The following NARS2 variants were observed in gnomAD, a reference collection of about 807,000 sequenced individuals.
NARS2 encodes the protein asparaginyl-tRNA synthetase.
NARS2 carries 60 observed loss-of-function variants against 62.9 expected under a neutral mutation model. The observed-to-expected ratio is 0.95, with a 90% CI of 0.77 to 1.18. NARS2 has a LOEUF of 1.18. Among genes scored for constraint, NARS2 ranks in the 50% most tolerant of loss-of-function variants. The pLI, the probability that NARS2 is intolerant of heterozygous loss-of-function variation, is 0.00. For synonymous variants in NARS2, 196 were observed against 200.0 expected (o/e 0.98, Z 0.17); for missense variants, 619 against 576.4 (o/e 1.07, Z -0.76).
intron 6 of NARS2, among the ~76,000 whole-genome samples, chr11:78,514,319 G>T (rs528682533): frequency 9.9e-5 from 15 of 152,132 alleles, no homozygotes; most frequent in African/African-American, 3.6e-4. Flanking sequence ...ATGGGGTTTT[G>T]CCATGTTGCC....
chr11:78,516,631 C>T (rs1250004617), intron 6 of NARS2, among the ~76,000 whole-genome samples: 1 of 152,146 alleles, frequency 6.6e-6, no homozygotes, highest in Non-Finnish European at 1.5e-5. Flanking sequence ...ATAAATTGAA[C>T]TGAGACTGAT....
At chr11:78,492,778 G>T in intron 7 of NARS2, among the ~76,000 whole-genome samples, 1 of 152,074 alleles carries the variant, frequency 6.6e-6, no homozygotes, top group Non-Finnish European at 1.5e-5. Context: ...ATAACCTTAG[G>T]AGTAAGCACA....
At chr11:78,553,402 C>T (rs1446886134) in intron 5 of NARS2, among the ~76,000 whole-genome samples, 1 of 152,092 alleles carries the variant, frequency 6.6e-6, no homozygotes, top group African/African-American at 2.4e-5. Flanking sequence ...GATTCTTCTG[C>T]CTCAGCCTCC....
intron 5 of NARS2, among the ~76,000 whole-genome samples, chr11:78,553,342 G>T (rs1856200831): frequency 6.6e-6 from 1 of 151,812 alleles, no homozygotes; most frequent in Non-Finnish European, 1.5e-5. Context: ...AGGCTAGAGT[G>T]CAGTGGCATG....
At chr11:78,521,191 G>T (rs1590809521) in intron 6 of NARS2, among the ~76,000 whole-genome samples, 1 of 149,694 alleles carries the variant, frequency 6.7e-6, no homozygotes, top group Non-Finnish European at 1.5e-5. Context: ...AAGAGGTGGG[G>T]TTTCATTCTG....
chr11:78,530,123 ACTTT>A (rs1861426864), intron 5 of NARS2, among the ~76,000 whole-genome samples: 1 of 151,948 alleles, frequency 6.6e-6, no homozygotes, highest in Non-Finnish European at 1.5e-5. Context: ...TTTCAAACTT[ACTTT>A]GATACTAGTC....
At chr11:78,461,166 A>G (rs1321767817) in intron 11 of NARS2, among the ~76,000 whole-genome samples, 1 of 152,186 alleles carries the variant, frequency 6.6e-6, no homozygotes, top group Non-Finnish European at 1.5e-5. Flanking sequence ...ATGAGTCTAG[A>G]GCTCAGAGAA....
intron 4 of NARS2, among the ~76,000 whole-genome samples, chr11:78,560,937 T>C (rs1856536058): frequency 6.6e-6 from 1 of 151,868 alleles, no homozygotes; most frequent in African/African-American, 2.4e-5. Flanking sequence ...ATGAGTGCAG[T>C]AAACAAAGAA....
chr11:78,562,511 T>G (rs1856591040), intron 4 of NARS2, among the ~76,000 whole-genome samples: 1 of 152,160 alleles, frequency 6.6e-6, no homozygotes, highest in Admixed American at 6.5e-5. Context: ...CAATCCCTGA[T>G]ACTCACAGGA....
intron 4 of NARS2, among the ~76,000 whole-genome samples, chr11:78,565,876 A>G (rs1856726523): frequency 6.6e-6 from 1 of 152,200 alleles, no homozygotes; most frequent in Admixed American, 6.5e-5. Flanking sequence ...AAATCACATA[A>G]GCAAGACCTC....
intron 7 of NARS2, among the ~76,000 whole-genome samples, chr11:78,481,329 A>G (rs1312635305): frequency 2.0e-5 from 3 of 152,212 alleles, no homozygotes; most frequent in African/African-American, 7.2e-5. Context: ...TTGAGCCTGT[A>G]TCACCTTCAA....
intron 11 of NARS2, among the ~76,000 whole-genome samples, chr11:78,462,772 T>C (rs1372642370): frequency 6.6e-6 from 1 of 152,132 alleles, no homozygotes; most frequent in Non-Finnish European, 1.5e-5. Flanking sequence ...CGGTGGCTAA[T>C]ACAGCTGTAT....
rs1249604472 is a variant in NARS2, at chr11:78,570,623, C to T, written c.251+712G>A. Among the ~76,000 whole-genome samples, 81 of 152,144 alleles carry T rather than the reference C, an allele frequency of 5.3e-4. 3 individuals are homozygous for T. Among genetic ancestry groups the T allele is most frequent in the Admixed American group, 5.2e-3 (80 of 15,288 alleles). On this transcript the variant is annotated intron_variant, in intron 2 of 13. Coordinates refer to ENST00000281038, the MANE Select transcript of NARS2 (RefSeq NM_024678.6). The stretch of plus-strand genomic sequence containing the variant: ...TGGTCTTAACTTGACTCAAGTGATC[C>T]GTCTGTCTCGGCCTCCCAAAGTGCT...
At chr11:78,487,317 C>A (rs1465706693) in intron 7 of NARS2, among the ~76,000 whole-genome samples, 2 of 147,534 alleles carry the variant, frequency 1.4e-5, no homozygotes, top group Non-Finnish European at 3.0e-5. Flanking sequence ...GATCATGCCA[C>A]TGCACTCCAG....
chr11:78,442,671 T>C (rs564092995), intron 12 of NARS2, among the ~76,000 whole-genome samples: 1 of 152,040 alleles, frequency 6.6e-6, no homozygotes, highest in Admixed American at 6.5e-5. Context: ...GTAGGAATCA[T>C]GGAAAACAGG....
chr11:78,566,023 C>T, intron 4 of NARS2, 109 bp downstream of exon 4: 2 of 922,008 alleles, frequency 2.2e-6, no homozygotes, highest in Non-Finnish European at 3.2e-6. Flanking sequence ...CCAATCAAAA[C>T]TAACCCATAA....
At chr11:78,448,415 C>T (rs1017079955) in intron 11 of NARS2, among the ~76,000 whole-genome samples, 2 of 151,708 alleles carry the variant, frequency 1.3e-5, no homozygotes, top group South Asian at 2.1e-4. Context: ...CTCAGCCTCC[C>T]GAGTAGCTGG....
chr11:78,552,801 C>T (rs4590904), intron 5 of NARS2, among the ~76,000 whole-genome samples: 98,150 of 152,016 alleles, frequency 0.65, 35,038 homozygotes, highest in Non-Finnish European at 0.81. Flanking sequence ...AAGCTGCACT[C>T]GGACCACCTT....
rs146475944 is a variant in NARS2, at chr11:78,440,536, A to AT, written c.1289+554dup. Among the ~76,000 whole-genome samples, 792 of 145,724 alleles carry AT rather than the reference A, an allele frequency of 5.4e-3. 4 individuals carry two copies. Among genetic ancestry groups the AT allele is most frequent in the South Asian group, 6.5e-3 (30 of 4,596 alleles). On this transcript the variant is annotated intron_variant, in intron 13 of 13. Coordinates refer to ENST00000281038, the MANE Select transcript of NARS2 (RefSeq NM_024678.6). The stretch of plus-strand genomic sequence containing the variant: ...TAGGATGATTACATGACATAATATA[A>AT]TTTTTTTTTTTTTGAGACGAAGTCT...
Sources: allele counts gnomAD v4.1 joint callset (sites outside exome capture counted in the v4.1 genomes callset), GRCh38; gene constraint gnomAD v4.1.1; transcripts MANE v1.5; gene names NCBI Gene and HGNC (gene_info 2026-07-23, HGNC 2026-07-21).